VAT1L: variants seen among roughly 807,000 people sequenced by gnomAD.
The protein encoded by VAT1L is vesicle amine transport 1 like.
VAT1L carries 34 observed loss-of-function variants against 44.1 expected under a neutral mutation model. The observed-to-expected ratio is 0.77, with a 90% confidence interval of 0.59 to 1.03. The LOEUF is 1.03. VAT1L is among the 50% of genes least tolerant of loss of function. The probability of loss-of-function intolerance (pLI) is 0.00; values close to 1 mark genes in which losing one functional copy is unlikely to be tolerated. For synonymous variants in VAT1L, 253 were observed against 202.2 expected (o/e 1.25, Z -2.13); for missense variants, 615 against 538.8 (o/e 1.14, Z -1.40).
chr16:77,955,534 G>A (rs935541519), intron 7 of VAT1L, among the ~76,000 whole-genome samples: 9 of 152,192 alleles, frequency 5.9e-5, no homozygotes, highest in Admixed American at 5.2e-4. Flanking sequence ...AGACCACCCT[G>A]GCCAATGTGA....
chr16:77,911,658 G>C (rs1019542716), intron 7 of VAT1L, among the ~76,000 whole-genome samples: 1 of 152,168 alleles, frequency 6.6e-6, no homozygotes, highest in Non-Finnish European at 1.5e-5. Flanking sequence ...CAAAGCCTGA[G>C]GAGTGGCTGT....
At chr16:77,945,749 T>A (rs1194605100) in intron 7 of VAT1L, among the ~76,000 whole-genome samples, 1 of 152,136 alleles carries the variant, frequency 6.6e-6, no homozygotes, top group African/African-American at 2.4e-5. Flanking sequence ...ATTTCCTTTT[T>A]GGACAGATGG....
chr16:77,915,971 C>A (rs942883039), intron 7 of VAT1L, among the ~76,000 whole-genome samples: 2 of 152,172 alleles, frequency 1.3e-5, no homozygotes, highest in Non-Finnish European at 2.9e-5. Context: ...GTGCACAACA[C>A]CCAGCTCGGA....
intron 7 of VAT1L, among the ~76,000 whole-genome samples, chr16:77,961,338 G>T (rs565940676): frequency 6.6e-6 from 1 of 152,130 alleles, no homozygotes; most frequent in Admixed American, 6.5e-5. Flanking sequence ...ACCATGAACC[G>T]GGTTCAAGGG....
intron 7 of VAT1L, among the ~76,000 whole-genome samples, chr16:77,904,917 C>T (rs1172597430): frequency 6.6e-6 from 1 of 152,102 alleles, no homozygotes; most frequent in Non-Finnish European, 1.5e-5. Context: ...CTACTATTTA[C>T]CAAGCCTGGG....
chr16:77,889,823 A>G (rs2142465803), intron 7 of VAT1L, among the ~76,000 whole-genome samples: 1 of 152,350 alleles, frequency 6.6e-6, no homozygotes, highest in South Asian at 2.1e-4. Flanking sequence ...GCAGTGGCTT[A>G]TGCCTGTAAT....
chr16:77,939,812 T>C (rs1472282752), intron 7 of VAT1L, among the ~76,000 whole-genome samples: 2 of 152,154 alleles, frequency 1.3e-5, no homozygotes, highest in African/African-American at 2.4e-5. Context: ...AACTGATGAG[T>C]TTCCAGGGCA....
At position 77,862,865 on chromosome 16, in the gene VAT1L, G is replaced by A. The variant is rs751991023; in HGVS notation, c.697G>A (p.Ala233Thr). The change falls in exon 4 of 9, where the codon GCA becomes ACA. Residue 233 changes from alanine (A) to threonine (T), a missense_variant. Coordinates refer to ENST00000302536, the MANE Select transcript of VAT1L (RefSeq NM_020927.3). ...TGTGACCCACCTCTTTGACAGAAAT[G>A]CAGACTACGTGCAAGAAGTTAAAAG... ...DSVTHLFDRN[A>T]DYVQEVKRIS... 7 of 1,613,898 alleles carry A rather than the reference G, an allele frequency of 4.3e-6. No individual in the cohort carries two copies. The Admixed American group carries it at 1.2e-4, about 27-fold the overall frequency.
At chr16:77,905,082 A>G (rs1422186889) in intron 7 of VAT1L, among the ~76,000 whole-genome samples, 2 of 152,334 alleles carry the variant, frequency 1.3e-5, no homozygotes, top group Admixed American at 6.5e-5. Context: ...AGAGGAATTC[A>G]AATCTGACTA....
intron 5 of VAT1L, among the ~76,000 whole-genome samples, chr16:77,877,512 C>CAAAAAAAAAAAA (rs55704400): frequency 1.2e-5 from 1 of 86,802 alleles, no homozygotes; most frequent in Non-Finnish European, 2.5e-5. Flanking sequence ...GACTCTGTCT[C>CAAAAAAAAAAAA]AAAAAAAAAA....
At chr16:77,953,762 T>C (rs144029443) in intron 7 of VAT1L, among the ~76,000 whole-genome samples, 7 of 152,238 alleles carry the variant, frequency 4.6e-5, no homozygotes, top group Non-Finnish European at 1.0e-4. Flanking sequence ...TCCCAAAGTG[T>C]TGAGATTATG....
chr16:77,973,183 G>C (rs1421944665), intron 8 of VAT1L, among the ~76,000 whole-genome samples: 4 of 152,208 alleles, frequency 2.6e-5, no homozygotes, highest in Non-Finnish European at 4.4e-5. Context: ...ACCTGGGCAA[G>C]TTACATGACT....
intron 7 of VAT1L, among the ~76,000 whole-genome samples, chr16:77,971,109 C>A (rs2018273676): frequency 6.6e-6 from 1 of 152,046 alleles, no homozygotes. Flanking sequence ...CCATGTTGCC[C>A]TTTCTGGATT....
chr16:77,972,696 G>A (rs905086864), intron 8 of VAT1L, among the ~76,000 whole-genome samples: 1 of 152,010 alleles, frequency 6.6e-6, no homozygotes, highest in Non-Finnish European at 1.5e-5. Flanking sequence ...CAGGAGAATC[G>A]CTTGAACCTG....
chr16:77,832,963 A>T (rs375814414), intron 3 of VAT1L, among the ~76,000 whole-genome samples: 1 of 152,314 alleles, frequency 6.6e-6, no homozygotes, highest in East Asian at 1.9e-4. Flanking sequence ...CTACAGCATC[A>T]CCGCAGGAGT....
At chr16:77,864,441 C>A (rs555674707) in intron 4 of VAT1L, among the ~76,000 whole-genome samples, 17 of 149,130 alleles carry the variant, frequency 1.1e-4, no homozygotes, top group South Asian at 4.2e-4. Flanking sequence ...TGTGCCCCCC[C>A]ACAAAAATAC....
chr16:77,941,437 C>G (rs962804550), intron 7 of VAT1L, among the ~76,000 whole-genome samples: 3 of 152,102 alleles, frequency 2.0e-5, no homozygotes, highest in African/African-American at 4.8e-5. Flanking sequence ...GTAAATCTTC[C>G]CACCATGGCT....
chr16:77,885,593 G>T (rs1429959469), intron 7 of VAT1L, among the ~76,000 whole-genome samples: 1 of 151,928 alleles, frequency 6.6e-6, no homozygotes, highest in African/African-American at 2.4e-5. Context: ...TGGCTTCAGG[G>T]AGCCATGACG....
intron 3 of VAT1L, among the ~76,000 whole-genome samples, chr16:77,847,778 T>A (rs111255732): frequency 1.3e-5 from 2 of 152,360 alleles, no homozygotes; most frequent in African/African-American, 2.4e-5. Flanking sequence ...GTTGTTGTGC[T>A]GTGGTTGTGA....
Sources: gnomAD v4.1 joint callset for allele counts (sites outside exome capture counted in the v4.1 genomes callset) on GRCh38, gnomAD v4.1.1 for gene constraint, MANE v1.5 for transcripts, NCBI Gene and HGNC (gene_info 2026-07-23, HGNC 2026-07-21) for gene names.